The following WWP2 variants were observed in gnomAD, a reference collection of about 807,000 sequenced individuals.
WWP2 encodes NEDD4-like E3 ubiquitin-protein ligase WWP2.
In WWP2, 57 loss-of-function variants were observed where a neutral mutation model predicts 121.0. The observed-to-expected ratio is 0.47, with a 90% CI of 0.38 to 0.59. WWP2 has a LOEUF of 0.59. Among genes scored for constraint, WWP2 ranks in the 20% least tolerant of loss-of-function variants. The pLI, the probability that WWP2 is intolerant of heterozygous loss-of-function variation, is 0.00. For missense variants in WWP2, 962 were observed against 1,158.9 expected, an observed-to-expected ratio of 0.83 and a Z score of 2.47; for synonymous variants, 449 against 441.3, an observed-to-expected ratio of 1.02 and a Z score of -0.22.
intron 4 of WWP2, chr16:69,827,925 C>T (rs1424701498): frequency 2.2e-6 from 1 of 455,748 alleles, no homozygotes; most frequent in African/African-American, 2.0e-5. Flanking sequence ...TATGCTACGG[C>T]TTGAGAGATT....
rs2056924328 is a variant in WWP2 at position 69,838,892 on chromosome 16, A to G, written c.341-1234A>G. 1.5e-5 allele frequency: 15 copies of G among 984,994 alleles called. No homozygotes were observed. In the South Asian group the frequency reaches 6.6e-4, roughly 43 times the overall value. The allele number at this position is 984,994 out of a possible 1,614,324, so 61.0% of individuals were successfully genotyped here. A position where few individuals can be genotyped will look rare whatever the true frequency, so the allele number is the denominator to read the frequency against. On this transcript the variant is annotated intron_variant, in intron 4 of 23. Coordinates refer to ENST00000359154, the MANE Select transcript of WWP2 (RefSeq NM_001270454.2). ...AGGAGAGCTTGAAAACCCAAAGGGT[A>G]ACTGGTTTCTATCTTATTATAATAG...
chr16:69,905,072 C>A (rs977132120), intron 8 of WWP2, among the ~76,000 whole-genome samples: 4 of 152,196 alleles, frequency 2.6e-5, no homozygotes, highest in African/African-American at 9.7e-5. Context: ...AAGGCAGACG[C>A]CCAGCTGTAG....
intron 7 of WWP2, among the ~76,000 whole-genome samples, chr16:69,885,925 TTA>T (rs1234090670): frequency 6.6e-6 from 1 of 152,180 alleles, no homozygotes; most frequent in Non-Finnish European, 1.5e-5. Flanking sequence ...ATCTGATTTA[TTA>T]TGTTTAGTTC....
chr16:69,913,500 T>C lies in WWP2; in HGVS notation c.1005-4209T>C, dbSNP rs576220720. ...CTGGGTGACAGAGCAAGACCCTGTC[T>C]CAAAAAATTATAATAATAAATAAAA... is the stretch of plus-strand genomic sequence containing the variant. On this transcript the variant is annotated intron_variant, in intron 9 of 23. Coordinates refer to ENST00000359154, the MANE Select transcript of WWP2 (RefSeq NM_001270454.2). Among the ~76,000 whole-genome samples the C allele has an allele frequency of 4.0e-5, 6 of 151,500 alleles. No homozygotes were observed. In the South Asian group the frequency reaches 1.0e-3, roughly 26 times the overall value.
intron 10 of WWP2, among the ~76,000 whole-genome samples, chr16:69,920,108 CTT>C (rs1310631924): frequency 6.6e-6 from 1 of 152,132 alleles, no homozygotes; most frequent in East Asian, 1.9e-4. Flanking sequence ...GGACCCCCGA[CTT>C]TTAATCATCA....
intron 21 of WWP2, among the ~76,000 whole-genome samples, chr16:69,938,729 T>C (rs760013393): frequency 5.3e-5 from 8 of 152,202 alleles, no homozygotes; most frequent in Non-Finnish European, 1.0e-4. Flanking sequence ...CATTAAGCAG[T>C]CACTCCCATA....
chr16:69,770,331 G>T (rs932459241), intron 1 of WWP2, among the ~76,000 whole-genome samples: 1 of 152,120 alleles, frequency 6.6e-6, no homozygotes, highest in Non-Finnish European at 1.5e-5. Flanking sequence ...GACTTGATCT[G>T]CAGTGGCAGT....
chr16:69,785,251 G>C (rs1173212348), intron 1 of WWP2, among the ~76,000 whole-genome samples: 43 of 151,040 alleles, frequency 2.8e-4, no homozygotes, highest in Admixed American at 2.8e-3. Context: ...AAAGACAAAA[G>C]ACAAGGTAGT....
intron 4 of WWP2, among the ~76,000 whole-genome samples, chr16:69,822,027 C>T (rs1368935659): frequency 2.0e-5 from 3 of 152,032 alleles, no homozygotes; most frequent in Non-Finnish European, 2.9e-5. Flanking sequence ...CACCACTATG[C>T]CCAGCTTTTT....
chr16:69,763,784 T>G (rs899687917), intron 1 of WWP2, among the ~76,000 whole-genome samples: 3 of 152,248 alleles, frequency 2.0e-5, no homozygotes, highest in African/African-American at 7.2e-5. Context: ...CCTGGCATGT[T>G]GTGAGCACTT....
chr16:69,809,016 G>A lies in WWP2; in HGVS notation c.340+9721G>A, dbSNP rs147452807. Among the ~76,000 whole-genome samples, 7 of 152,176 alleles carry A rather than the reference G, an allele frequency of 4.6e-5. No homozygotes were observed. In the East Asian group the frequency reaches 1.2e-3, roughly 25 times the overall value. On this transcript the variant is annotated intron_variant, in intron 4 of 23. Transcript: ENST00000359154. ...TGTGCTCTGATCGTTTGTAATTACT[G>A]TTGTGATTTTATCTTCAAACCCAGA... is the stretch of plus-strand genomic sequence containing the variant.
At position 69,936,429 on chromosome 16, in the gene WWP2, G is replaced by A. The variant is rs1226254705; in HGVS notation, c.2094G>A (p.Glu698=). Residue 698 remains glutamate, a synonymous_variant, in exon 19 of 24, where the codon GAG becomes GAA. Coordinates refer to ENST00000359154, the MANE Select transcript of WWP2 (RefSeq NM_001270454.2). ...KEGGESIRVT[E]ENKEEYIMLL... is the part of the protein sequence containing the mutation. ...GCGGCGAGAGCATCCGGGTCACAGA[G>A]GAGAACAAGGAAGAGTACATCATGT... 6.2e-7 allele frequency: 1 copy of A among 1,614,108 alleles called. No homozygotes were observed. Among genetic ancestry groups the A allele is most frequent in the Non-Finnish European group, 8.5e-7 (1 of 1,180,036 alleles).
chr16:69,767,164 T>G (rs2038750829), intron 1 of WWP2, among the ~76,000 whole-genome samples: 1 of 152,162 alleles, frequency 6.6e-6, no homozygotes, highest in African/African-American at 2.4e-5. Flanking sequence ...ATTTCTGGAA[T>G]TAGTCTGGCT....
At position 69,929,878 on chromosome 16, in the gene WWP2, C is replaced by T. The variant is rs541604671; in HGVS notation, c.1317-252C>T. 2.6e-5 allele frequency among the ~76,000 whole-genome samples: 4 copies of T among 152,328 alleles called. No individual in the cohort carries two copies. The East Asian group carries it at 5.8e-4, about 22-fold the overall frequency. On this transcript the variant is annotated intron_variant, in intron 12 of 23. Coordinates refer to ENST00000359154, the MANE Select transcript of WWP2 (RefSeq NM_001270454.2). ...TGAAGCTGTGCTGGGGCACAGGGTG[C>T]CTCAGGATTGCTGGTGGCTGCTCAG...
rs138223914 is a variant in WWP2 at position 69,794,559 on chromosome 16, C to T, written c.71-4123C>T. Among the ~76,000 whole-genome samples, 984 of 152,096 alleles carry T rather than the reference C, an allele frequency of 6.5e-3. 10 individuals are homozygous for T. Among genetic ancestry groups the T allele is most frequent in the African/African-American group, 0.023 (940 of 41,532 alleles). On this transcript the variant is annotated intron_variant, in intron 2 of 23. Coordinates refer to ENST00000359154, the MANE Select transcript of WWP2 (RefSeq NM_001270454.2). ...AAAAAAGAAACTATAAACTAAATTT[C>T]TCCCAAAATTAGCTTGGCCCATGCC... is the stretch of plus-strand genomic sequence containing the variant.
chr16:69,857,475 A>G (rs903945441), intron 6 of WWP2, among the ~76,000 whole-genome samples: 4 of 151,998 alleles, frequency 2.6e-5, no homozygotes, highest in Admixed American at 2.0e-4. Flanking sequence ...CTCCCTGACT[A>G]TTTGATAATG....
chr16:69,842,772 C>T (rs2057002826), intron 6 of WWP2, among the ~76,000 whole-genome samples: 1 of 152,112 alleles, frequency 6.6e-6, no homozygotes, highest in Non-Finnish European at 1.5e-5. Flanking sequence ...TGGGCTCAAG[C>T]AATCCACCCA....
At chr16:69,857,353 A>G (rs1040914585) in intron 6 of WWP2, among the ~76,000 whole-genome samples, 6 of 152,160 alleles carry the variant, frequency 3.9e-5, no homozygotes, top group African/African-American at 1.2e-4. Context: ...TTGGCCTCCC[A>G]AAGTGCTGGG....
chr16:69,896,723 G>T (rs1438503552), intron 8 of WWP2, among the ~76,000 whole-genome samples: 1 of 148,160 alleles, frequency 6.7e-6, no homozygotes, highest in East Asian at 1.9e-4. Flanking sequence ...TGCAGCTTGT[G>T]TGTATTTTTT....
Sources: gnomAD v4.1 joint callset for allele counts (sites outside exome capture counted in the v4.1 genomes callset) on GRCh38, gnomAD v4.1.1 for gene constraint, MANE v1.5 for transcripts, NCBI Gene and HGNC (gene_info 2026-07-23, HGNC 2026-07-21) for gene names.